The following ZNF649 variants were observed in gnomAD, a reference collection of about 807,000 sequenced individuals.
The protein encoded by ZNF649 is zinc finger protein 649.
Under a neutral mutation model 14.1 loss-of-function variants are expected in ZNF649, and 7 were observed. That is an observed-to-expected ratio of 0.49 (90% CI 0.28 to 0.93). The LOEUF (loss-of-function observed/expected upper bound fraction) is 0.93, where lower values mean the gene tolerates loss of function less well. Among genes scored for constraint, ZNF649 ranks in the 40% least tolerant of loss-of-function variants. The probability of loss-of-function intolerance (pLI) is 0.10; values close to 1 mark genes in which losing one functional copy is unlikely to be tolerated. For missense variants in ZNF649, 544 were observed against 608.1 expected (o/e 0.89, Z 1.11); for synonymous variants, 227 against 212.3 (o/e 1.07, Z -0.60).
At position 51,898,120 on chromosome 19, in the gene ZNF649, G is replaced by A. The variant is rs1013759424; in HGVS notation, c.16-1142C>T. ...CAAAAAAAAAAAAAAAAAAAACTAT[G>A]AATCTGTGGTTCTTTCTGACACCAA... On this transcript the variant is annotated intron_variant, in intron 2 of 4. Transcript: ENST00000354957. 1.8e-4 allele frequency among the ~76,000 whole-genome samples: 25 copies of A among 140,826 alleles called. No homozygotes were observed. In the East Asian group the frequency reaches 5.4e-3, roughly 31 times the overall value. The allele number at this position is 140,826 out of a possible 152,430, so 92.4% of individuals were successfully genotyped here.
Position 51,896,586 on chromosome 19 carries a change from A to G in ZNF649, c.143-19T>C. On this transcript the variant is annotated intron_variant, in intron 3 of 4. Coordinates refer to ENST00000354957, the MANE Select transcript of ZNF649 (RefSeq NM_023074.4). The stretch of plus-strand genomic sequence containing the variant: ...TGATACCCTGTTTGTGGGAAATGGG[A>G]GAAGACTTAGGCTCACTGAATTGCA... The G allele has an allele frequency of 6.2e-7, 1 of 1,612,888 alleles. No homozygotes were observed. Among genetic ancestry groups the G allele is most frequent in the Non-Finnish European group, 8.5e-7 (1 of 1,178,872 alleles).
Position 51,891,486 on chromosome 19 carries a change from T to C in ZNF649, c.650A>G (p.Lys217Arg), listed in dbSNP as rs916813696. 2 of 1,614,192 alleles carry C rather than the reference T, an allele frequency of 1.2e-6. No homozygotes were observed. Among genetic ancestry groups the C allele is most frequent in the East Asian group, 2.2e-5 (1 of 44,882 alleles). The change falls in exon 5 of 5, where the codon AAG becomes AGG. Residue 217 changes from lysine (K) to arginine (R), a missense_variant. Lys to Arg is a conservative substitution (Grantham distance 26). Coordinates refer to ENST00000354957, the MANE Select transcript of ZNF649 (RefSeq NM_023074.4). This position sits in a 1 kb window ranked among gnomAD's most constrained non-coding sequence, Gnocchi z 4.2. ...VCSLCGKAFY[K>R]KYRLTEHERA... is the part of the protein sequence containing the mutation. The stretch of plus-strand genomic sequence containing the variant: ...CTCGTGTTCAGTGAGCCTGTACTTC[T>C]TGTAGAAGGCTTTCCCACACAAGCT...
At chr19:51,896,362 T>C in intron 4 of ZNF649, 110 bp downstream of exon 4, 1 of 876,710 alleles carries the variant, frequency 1.1e-6, no homozygotes, top group Non-Finnish European at 1.9e-6. Context: ...GAAGAAGATG[T>C]GGCAGCTGTT....
rs1313439748 is a variant in ZNF649 at position 51,890,365 on chromosome 19, T to G, written c.*253A>C. On this transcript the variant is annotated 3_prime_UTR_variant, in exon 5 of 5. Transcript: ENST00000354957. ...CTACCTTGGCCCCCGGAGTAAGAGA[T>G]ATCATTCTGAGGAACACCAAGTGGA... The G allele has an allele frequency of 4.7e-6, 2 of 424,554 alleles. No homozygotes were observed. The highest frequency in any genetic ancestry group is 8.3e-6 in the Non-Finnish European group (2 of 240,160). The allele number at this position is 424,554 out of a possible 1,614,324, so 26.3% of individuals were successfully genotyped here.
chr19:51,898,878 A>G (rs2085079675), intron 2 of ZNF649, among the ~76,000 whole-genome samples: 1 of 152,082 alleles, frequency 6.6e-6, no homozygotes, highest in East Asian at 1.9e-4. Flanking sequence ...GCACCACTGC[A>G]CTCCAGCCTG....
In ZNF649 at chr19:51,904,266, C is replaced by T. The variant is rs1487797533; in HGVS notation, c.-188+648G>A. ...AACTCCTGTAAATTTAATTCGGCTT[C>T]AATTTTTCTTTTATCACTGATTTGA... On this transcript the variant is annotated intron_variant, in intron 1 of 4. Coordinates refer to ENST00000354957, the MANE Select transcript of ZNF649 (RefSeq NM_023074.4). 3 of 152,296 alleles carry T rather than the reference C, an allele frequency of 2.0e-5. No individual in the cohort carries two copies. In the East Asian group the frequency reaches 5.8e-4, roughly 29 times the overall value. The allele number at this position is 152,296 out of a possible 1,614,324, so 9.4% of individuals were successfully genotyped here. A position where few individuals can be genotyped will look rare whatever the true frequency, so the allele number is the denominator to read the frequency against.
At chr19:51,892,564 G>A (rs2085031356) in intron 4 of ZNF649, among the ~76,000 whole-genome samples, 1 of 152,080 alleles carries the variant, frequency 6.6e-6, no homozygotes, top group Non-Finnish European at 1.5e-5. Context: ...TAGGGAAACA[G>A]CAGACATAGG....
At position 51,890,980 on chromosome 19, in the gene ZNF649, T is replaced by C; in HGVS notation, c.1156A>G (p.Lys386Glu). 1 of 1,614,154 alleles carries C rather than the reference T, an allele frequency of 6.2e-7. No homozygotes were observed. The highest frequency in any genetic ancestry group is 1.6e-4 in the Middle Eastern group (1 of 6,062). ...CPECGQPCSQ[K>E]SGLIRHQKIH... The stretch of plus-strand genomic sequence containing the variant: ...TTCTGATGTCTAATGAGTCCTGACT[T>C]CTGTGAACAGGGTTGCCCACATTCA... The change falls in exon 5 of 5, where the codon AAG becomes GAG. Residue 386 changes from lysine to glutamate, a missense_variant. Lys to Glu is a moderately conservative substitution (Grantham distance 56). Coordinates refer to ENST00000354957, the MANE Select transcript of ZNF649 (RefSeq NM_023074.4).
chr19:51,891,458 T>C lies in ZNF649; in HGVS notation c.678A>G (p.Arg226=). The C allele has an allele frequency of 6.2e-7, 1 of 1,613,998 alleles. No individual in the cohort carries two copies. Among genetic ancestry groups the C allele is most frequent in the Non-Finnish European group, 8.5e-7 (1 of 1,179,852 alleles). Reference sequence around the variant, plus strand: ...CGTGGGGTTTCTCTCCTCTGTGAGCTCTCTCGTGTTCAGTGAGCCTGTACT... The same window carrying C: ...CGTGGGGTTTCTCTCCTCTGTGAGCCCTCTCGTGTTCAGTGAGCCTGTACT... The part of the protein sequence containing the change: ...YKKYRLTEHE[R]AHRGEKPHGC... The change falls in exon 5 of 5, where the codon AGA becomes AGG. Residue 226 remains arginine (R), a synonymous_variant. Transcript: ENST00000354957. This position sits in a 1 kb window ranked among gnomAD's most constrained non-coding sequence, Gnocchi z 4.2.
In ZNF649 at chr19:51,890,684, A is replaced by C. The variant is rs775789407; in HGVS notation, c.1452T>G (p.Pro484=). ...SPSEHVQGKS[P]VNMVTVAMVA... is the part of the protein sequence containing the mutation. ...CCATTGCCACAGTTACCATATTAAC[A>C]GGGCTTTTCCCCTGCACATGTTCAC... The change falls in exon 5 of 5, where the codon CCT becomes CCG. Residue 484 remains proline, a synonymous_variant. Coordinates refer to ENST00000354957, the MANE Select transcript of ZNF649 (RefSeq NM_023074.4). The C allele has an allele frequency of 6.2e-7, 1 of 1,614,220 alleles. No homozygotes were observed. The highest frequency in any genetic ancestry group is 1.1e-5 in the South Asian group (1 of 91,084).
chr19:51,891,714 T>C lies in ZNF649; in HGVS notation c.422A>G (p.Asp141Gly). The C allele has an allele frequency of 6.2e-7, 1 of 1,613,608 alleles. No homozygotes were observed. The highest frequency in any genetic ancestry group is 8.5e-7 in the Non-Finnish European group (1 of 1,179,894). ...EFNGDGAFLH[D>G]NHEQMPTEIE... Reference sequence around the variant, plus strand: ...TTCCGTAGGCATTTGTTCATGATTATCATGGAGAAAAGCTCCATCTCCATT... The same window carrying C: ...TTCCGTAGGCATTTGTTCATGATTACCATGGAGAAAAGCTCCATCTCCATT... The change falls in exon 5 of 5, where the codon GAT becomes GGT. Residue 141 changes from aspartate to glycine, a missense_variant. Asp to Gly is a moderately conservative substitution (Grantham distance 94). Coordinates refer to ENST00000354957, the MANE Select transcript of ZNF649 (RefSeq NM_023074.4). The surrounding 1 kb of genome is among the most constrained non-coding windows in gnomAD (Gnocchi z 4.2).
At chr19:51,898,979 G>A (rs923299138) in intron 2 of ZNF649, among the ~76,000 whole-genome samples, 1 of 152,090 alleles carries the variant, frequency 6.6e-6, no homozygotes, top group Non-Finnish European at 1.5e-5. Flanking sequence ...GGTCGGGGGT[G>A]GGACTGAAAG....
chr19:51,898,041 T>C (rs1314708059), intron 2 of ZNF649, among the ~76,000 whole-genome samples: 2 of 142,092 alleles, frequency 1.4e-5, no homozygotes, highest in African/African-American at 5.4e-5. Context: ...GAGGTTGCAG[T>C]GAGCGAAGAT....
chr19:51,903,183 A>G (rs184048760), intron 1 of ZNF649, among the ~76,000 whole-genome samples: 184 of 152,214 alleles, frequency 1.2e-3, no homozygotes, highest in Middle Eastern at 3.4e-3. Flanking sequence ...GCACCTCCAC[A>G]TGCTCAAGAA....
rs766133155 is a variant in ZNF649 at position 51,890,620 on chromosome 19, A to G, written c.1516T>C (p.Ter506ArgextTer1). The G allele has an allele frequency of 6.2e-7, 1 of 1,600,374 alleles. No homozygotes were observed. The highest frequency in any genetic ancestry group is 1.7e-5 in the Admixed American group (1 of 59,830). The change falls in exon 5 of 5, where the codon TGA becomes CGA. Residue 506 changes from the stop codon to arginine (R), a stop_lost. Coordinates refer to ENST00000354957, the MANE Select transcript of ZNF649 (RefSeq NM_023074.4). ...QCEFAHILHS[*>R] ...ATGATCAAACAGCAAACTGTTTATC[A>G]TGAATGCAGGATGTGGGCAAACTCA...
Position 51,890,279 on chromosome 19 carries a change from T to C in ZNF649, c.*339A>G, listed in dbSNP as rs960563068. The C allele has an allele frequency of 1.4e-5, 3 of 216,404 alleles. No individual in the cohort carries two copies. The highest frequency in any genetic ancestry group is 4.6e-5 in the African/African-American group (2 of 43,378). The allele number at this position is 216,404 out of a possible 1,614,324, so 13.4% of individuals were successfully genotyped here. On this transcript the variant is annotated 3_prime_UTR_variant, in exon 5 of 5. Coordinates refer to ENST00000354957, the MANE Select transcript of ZNF649 (RefSeq NM_023074.4). ...TACATATGTGTATACACAAAAAGAT[T>C]TGTGAACTTGAACAAGGCAAGAGAT...
chr19:51,898,604 C>T (rs937456772), intron 2 of ZNF649, among the ~76,000 whole-genome samples: 6 of 151,934 alleles, frequency 3.9e-5, no homozygotes, highest in African/African-American at 1.2e-4. Flanking sequence ...GCTTCTACGA[C>T]GTGGGCATGA....
intron 4 of ZNF649, among the ~76,000 whole-genome samples, chr19:51,892,537 A>T (rs1294235419): frequency 2.6e-5 from 4 of 152,150 alleles, no homozygotes; most frequent in African/African-American, 9.7e-5. Context: ...TTTAATTTAA[A>T]AAAGAATAAT....
At position 51,891,776 on chromosome 19, in the gene ZNF649, C is replaced by G. The variant is rs2085024687; in HGVS notation, c.360G>C (p.Gln120His). The G allele has an allele frequency of 6.2e-7, 1 of 1,614,070 alleles. No individual in the cohort carries two copies. Among genetic ancestry groups the G allele is most frequent in the Middle Eastern group, 1.6e-4 (1 of 6,062 alleles). The change falls in exon 5 of 5, where the codon CAG becomes CAC. Residue 120 changes from glutamine (Q) to histidine (H), a missense_variant. Transcript: ENST00000354957. The surrounding 1 kb of genome is among the most constrained non-coding windows in gnomAD (Gnocchi z 4.2). ...GCTCCTTTCTGTTGTATCTTCTGCT[C>G]TGGTTGGTTAAACCTAAATATGATT... ...TLKSYLGLTN[Q>H]SRRYNRKEPA... is the part of the protein sequence containing the mutation.
Sources: allele counts gnomAD v4.1 joint callset (sites outside exome capture counted in the v4.1 genomes callset), GRCh38; gene constraint gnomAD v4.1.1; non-coding constraint Gnocchi (gnomAD v3.1); transcripts MANE v1.5; gene names NCBI Gene and HGNC (gene_info 2026-07-23, HGNC 2026-07-21).